Variants in CSMD1 observed in about 807,000 individuals in gnomAD.
CSMD1 encodes CUB and Sushi multiple domains 1.
In CSMD1, 213 loss-of-function variants were observed where a neutral mutation model predicts 417.5. The ratio of observed to expected loss-of-function variants is 0.51; its 90% confidence interval spans 0.46 to 0.57. The LOEUF is 0.57. Among genes scored for constraint, CSMD1 ranks in the 20% least tolerant of loss-of-function variants. The probability of loss-of-function intolerance (pLI) is 0.00; values close to 1 mark genes in which losing one functional copy is unlikely to be tolerated. For missense variants in CSMD1, 6,923 were observed against 4,529.7 expected (o/e 1.53, Z -15.17); for synonymous variants, 2,862 against 1,736.8 (o/e 1.65, Z -16.11).
At chr8:3,774,968 C>A (rs915418692) in intron 5 of CSMD1, among the ~76,000 whole-genome samples, 1 of 152,046 alleles carries the variant, frequency 6.6e-6, no homozygotes, top group Admixed American at 6.6e-5. Context: ...ATATACACAG[C>A]AATGCACTGG....
intron 1 of CSMD1, among the ~76,000 whole-genome samples, chr8:4,952,229 G>C (rs536133630): frequency 6.6e-6 from 1 of 151,986 alleles, no homozygotes; most frequent in East Asian, 1.9e-4. Flanking sequence ...TTGCTCCGTG[G>C]AGTTAATTTG....
chr8:4,371,060 T>G (rs998126829), intron 3 of CSMD1, among the ~76,000 whole-genome samples: 7 of 152,226 alleles, frequency 4.6e-5, no homozygotes, highest in African/African-American at 1.7e-4. Context: ...CTAATCATCA[T>G]TTCCCTTTGA....
At chr8:4,683,429 G>C (rs1283976156) in intron 1 of CSMD1, among the ~76,000 whole-genome samples, 1 of 152,048 alleles carries the variant, frequency 6.6e-6, no homozygotes, top group Non-Finnish European at 1.5e-5. Context: ...ATTATATCCT[G>C]AAGGACACAC....
intron 5 of CSMD1, among the ~76,000 whole-genome samples, chr8:3,776,118 T>C (rs1230958006): frequency 2.0e-5 from 3 of 152,186 alleles, no homozygotes; most frequent in East Asian, 1.9e-4. Context: ...CCTTCCTTCC[T>C]TCTTCTTACC....
intron 23 of CSMD1, among the ~76,000 whole-genome samples, chr8:3,311,831 T>C (rs909287318): frequency 6.6e-6 from 1 of 152,174 alleles, no homozygotes; most frequent in African/African-American, 2.4e-5. Context: ...ATAACATTCA[T>C]TTTCCTGTGG....
At chr8:4,845,380 G>A (rs1051966210) in intron 1 of CSMD1, among the ~76,000 whole-genome samples, 1 of 152,156 alleles carries the variant, frequency 6.6e-6, no homozygotes, top group Non-Finnish European at 1.5e-5. Flanking sequence ...CCATACATGG[G>A]ATGATCCTGT....
At chr8:4,951,909 T>C (rs1808776203) in intron 1 of CSMD1, among the ~76,000 whole-genome samples, 2 of 151,722 alleles carry the variant, frequency 1.3e-5, no homozygotes, top group African/African-American at 2.4e-5. Context: ...ATTTTATTTA[T>C]ATATTTAGAA....
intron 10 of CSMD1, among the ~76,000 whole-genome samples, chr8:3,542,579 T>C (rs1444220615): frequency 6.6e-6 from 1 of 152,172 alleles, no homozygotes; most frequent in Non-Finnish European, 1.5e-5. Flanking sequence ...GGAAAGAGCG[T>C]ACGTGCTGTG....
intron 5 of CSMD1, among the ~76,000 whole-genome samples, chr8:3,955,126 C>T (rs1811854236): frequency 6.6e-6 from 1 of 152,186 alleles, no homozygotes; most frequent in South Asian, 2.1e-4. Context: ...CCCCTCATAC[C>T]TAACTACCGG....
intron 3 of CSMD1, among the ~76,000 whole-genome samples, chr8:4,288,678 T>C (rs1189525487): frequency 6.6e-6 from 1 of 152,190 alleles, no homozygotes; most frequent in Non-Finnish European, 1.5e-5. Flanking sequence ...TTTCAACATT[T>C]GTAACCTCGT....
chr8:4,675,182 T>G (rs1444616536), intron 1 of CSMD1, among the ~76,000 whole-genome samples: 1 of 152,212 alleles, frequency 6.6e-6, no homozygotes, highest in Non-Finnish European at 1.5e-5. Context: ...GTTTTAAACC[T>G]TAGAACCTAA....
intron 7 of CSMD1, among the ~76,000 whole-genome samples, chr8:3,645,023 C>A (rs921237054): frequency 6.8e-6 from 1 of 147,892 alleles, no homozygotes; most frequent in South Asian, 2.1e-4. Flanking sequence ...GCATTTCTTC[C>A]TTTCTGTCCT....
chr8:3,747,715 C>T (rs1842651), intron 6 of CSMD1, among the ~76,000 whole-genome samples: 135,151 of 152,126 alleles, frequency 0.89, 60,102 homozygotes, highest in South Asian at 0.94. Flanking sequence ...CTGAAATGTT[C>T]CTTATGTTCA....
intron 26 of CSMD1, among the ~76,000 whole-genome samples, chr8:3,238,963 G>C (rs978526241): frequency 2.0e-5 from 3 of 152,086 alleles, no homozygotes; most frequent in Non-Finnish European, 2.9e-5. Context: ...GAAGATAGTA[G>C]GGATGACAAG....
intron 10 of CSMD1, among the ~76,000 whole-genome samples, chr8:3,540,339 A>G (rs1334052625): frequency 6.6e-6 from 1 of 152,188 alleles, no homozygotes; most frequent in Admixed American, 6.5e-5. Flanking sequence ...CTTGCATCAC[A>G]ACAGTGCCCT....
At chr8:3,574,845 G>A (rs1049855508) in intron 10 of CSMD1, 100 bp downstream of exon 10, 3 of 1,354,830 alleles carry the variant, frequency 2.2e-6, no homozygotes, top group African/African-American at 1.5e-5. Context: ...AAACAGTAAA[G>A]TGTAAGCACG....
At chr8:3,886,810 T>C (rs1806594814) in intron 5 of CSMD1, among the ~76,000 whole-genome samples, 1 of 151,974 alleles carries the variant, frequency 6.6e-6, no homozygotes, top group Non-Finnish European at 1.5e-5. Context: ...GGAAGGAGGG[T>C]AGAATAGAGA....
At chr8:3,527,821 A>T (rs537803426) in intron 10 of CSMD1, among the ~76,000 whole-genome samples, 1 of 152,230 alleles carries the variant, frequency 6.6e-6, no homozygotes, top group Non-Finnish European at 1.5e-5. Flanking sequence ...ATCCTGTTTA[A>T]TAACAGTAGA....
intron 26 of CSMD1, among the ~76,000 whole-genome samples, chr8:3,258,619 C>G (rs1173270275): frequency 1.3e-5 from 2 of 152,126 alleles, no homozygotes; most frequent in Admixed American, 6.6e-5. Flanking sequence ...TAAAATCATT[C>G]TATTATAAAG....
Sources: allele counts gnomAD v4.1 joint callset (sites outside exome capture counted in the v4.1 genomes callset), GRCh38; gene constraint gnomAD v4.1.1; transcripts MANE v1.5; gene names NCBI Gene and HGNC (gene_info 2026-07-23, HGNC 2026-07-21).